EYS: variants seen among roughly 807,000 people sequenced by gnomAD.
EYS encodes EGF-like photoreceptor maintenance factor, also known as protein eyes shut homolog.
A neutral mutation model predicts 282.1 loss-of-function variants in EYS; 250 were observed. The observed-to-expected ratio is 0.89, with a 90% CI of 0.80 to 0.98. The LOEUF (loss-of-function observed/expected upper bound fraction) is 0.98, where lower values mean the gene tolerates loss of function less well. Ranked by LOEUF, EYS falls within the 50% of genes least tolerant of loss-of-function variation. The pLI is 0.00. For missense variants in EYS, 4,016 were observed against 3,709.0 expected (o/e 1.08, Z -2.15); for synonymous variants, 1,355 against 1,282.9 (o/e 1.06, Z -1.20).
Position 64,307,027 on chromosome 6 carries a change from T to C in EYS, c.6134A>G (p.Asn2045Ser). 1 of 1,546,474 alleles carries C rather than the reference T, an allele frequency of 6.5e-7. No homozygotes were observed. The highest frequency in any genetic ancestry group is 1.2e-5 in the South Asian group (1 of 83,864). Residue 2045 changes from asparagine (N) to serine (S), a missense_variant, in exon 30 of 43, where the codon AAC becomes AGC. Asn to Ser is a conservative substitution (Grantham distance 46, BLOSUM62 1). Coordinates refer to ENST00000503581, the MANE Select transcript of EYS (RefSeq NM_001142800.2). ...TGCIEVIEIN[N>S]WRSFIPSKAV... Reference sequence around the variant, plus strand: ...CTTGGATGGAATGAAAGATCTCCAGTTATTTATTTCTATAACTTCTATGCA... The same window carrying C: ...CTTGGATGGAATGAAAGATCTCCAGCTATTTATTTCTATAACTTCTATGCA...
chr6:64,885,069 A>C (rs767922049), intron 19 of EYS, among the ~76,000 whole-genome samples: 4 of 151,686 alleles, frequency 2.6e-5, no homozygotes, highest in Non-Finnish European at 5.9e-5. Flanking sequence ...TTAAAAACTA[A>C]GAAAACCATT....
intron 19 of EYS, among the ~76,000 whole-genome samples, chr6:64,869,402 C>T (rs1215850072): frequency 6.6e-6 from 1 of 151,322 alleles, no homozygotes; most frequent in Non-Finnish European, 1.5e-5. Context: ...GAACTTTGTT[C>T]TCAAGGGAAG....
At chr6:64,313,467 T>C (rs1005139433) in intron 29 of EYS, among the ~76,000 whole-genome samples, 13 of 152,214 alleles carry the variant, frequency 8.5e-5, no homozygotes, top group African/African-American at 1.9e-4. Flanking sequence ...CTGCAGGATA[T>C]TATCCAGGAG....
chr6:64,602,475 G>A (rs1766793192), intron 24 of EYS, among the ~76,000 whole-genome samples: 1 of 152,012 alleles, frequency 6.6e-6, no homozygotes, highest in Admixed American at 6.6e-5. Flanking sequence ...TGAGAAATAA[G>A]GGCCACATCA....
chr6:63,982,021 C>T (rs1380782087), intron 35 of EYS, among the ~76,000 whole-genome samples: 1 of 151,798 alleles, frequency 6.6e-6, no homozygotes, highest in South Asian at 2.1e-4. Flanking sequence ...TTTTCAAATA[C>T]ATATTAAATA....
chr6:65,676,633 G>A (rs1003232041), intron 1 of EYS, among the ~76,000 whole-genome samples: 3 of 151,784 alleles, frequency 2.0e-5, no homozygotes, highest in African/African-American at 7.2e-5. Flanking sequence ...CAAATATGTA[G>A]AGAGGAATTA....
intron 22 of EYS, among the ~76,000 whole-genome samples, chr6:64,758,006 C>T (rs1197138312): frequency 1.3e-5 from 2 of 152,088 alleles, no homozygotes; most frequent in Non-Finnish European, 2.9e-5. Context: ...GATCGCCTGA[C>T]CTCCTGATCT....
chr6:64,326,620 G>A (rs1054065357), intron 29 of EYS, among the ~76,000 whole-genome samples: 8 of 152,008 alleles, frequency 5.3e-5, no homozygotes, highest in African/African-American at 1.7e-4. Context: ...TACCATTTCT[G>A]GGGGCCCATC....
At chr6:64,728,365 T>C (rs1583086881) in intron 22 of EYS, among the ~76,000 whole-genome samples, 1 of 152,160 alleles carries the variant, frequency 6.6e-6, no homozygotes, top group South Asian at 2.1e-4. Flanking sequence ...GATGGAGTCT[T>C]GCTCTGTCGC....
intron 30 of EYS, among the ~76,000 whole-genome samples, chr6:64,293,000 C>T (rs532345762): frequency 6.6e-6 from 1 of 151,952 alleles, no homozygotes; most frequent in African/African-American, 2.4e-5. Context: ...TCTATATGAT[C>T]GTTTCTAAGC....
chr6:64,394,821 A>C (rs1773300947), intron 28 of EYS, among the ~76,000 whole-genome samples: 3 of 152,190 alleles, frequency 2.0e-5, no homozygotes, highest in Non-Finnish European at 4.4e-5. Context: ...CAGCAAAAGA[A>C]ACTACCATCA....
chr6:65,507,478 TC>T lies in EYS; in HGVS notation c.-332-11486del, dbSNP rs367712498. ...CCAGGACATGAGAATCATTTGTCAC[TC>T]ATTTTGGAAAGTTTTCAGCCATTAT... On this transcript the variant is annotated intron_variant, in intron 2 of 42. Transcript: ENST00000503581. Among the ~76,000 whole-genome samples, 727 of 152,260 alleles carry T rather than the reference TC, an allele frequency of 4.8e-3. 4 individuals are homozygous for T. Among genetic ancestry groups the T allele is most frequent in the African/African-American group, 0.017 (688 of 41,568 alleles).
chr6:65,685,639 T>C (rs1202854461), intron 1 of EYS, among the ~76,000 whole-genome samples: 2 of 152,058 alleles, frequency 1.3e-5, no homozygotes, highest in South Asian at 2.1e-4. Flanking sequence ...TCATTTGGCA[T>C]ATTTGCCTTA....
chr6:65,660,907 T>A (rs1362475492), intron 1 of EYS, among the ~76,000 whole-genome samples: 1 of 151,844 alleles, frequency 6.6e-6, no homozygotes. Flanking sequence ...GCTTTAATAC[T>A]CTACTATGTA....
intron 40 of EYS, among the ~76,000 whole-genome samples, chr6:63,773,551 T>C (rs549051363): frequency 1.3e-5 from 2 of 152,342 alleles, no homozygotes; most frequent in African/African-American, 4.8e-5. Flanking sequence ...CAGTCATGTA[T>C]AGCTTGACAA....
intron 21 of EYS, among the ~76,000 whole-genome samples, 190 bp downstream of exon 21, chr6:64,821,455 T>C (rs1480082189): frequency 6.6e-6 from 1 of 151,216 alleles, no homozygotes; most frequent in African/African-American, 2.4e-5. Context: ...AAAGAAAAGG[T>C]GGGGGAAAAA....
chr6:64,240,879 G>T (rs1766801397), intron 30 of EYS, among the ~76,000 whole-genome samples: 1 of 152,096 alleles, frequency 6.6e-6, no homozygotes, highest in African/African-American at 2.4e-5. Flanking sequence ...TATGATATTG[G>T]TTATAGGTTT....
chr6:65,698,193 G>C (rs989110819), intron 1 of EYS, among the ~76,000 whole-genome samples: 6 of 152,068 alleles, frequency 3.9e-5, no homozygotes, highest in Non-Finnish European at 7.4e-5. Context: ...CCTAAGCACT[G>C]ACACAAATAA....
intron 41 of EYS, among the ~76,000 whole-genome samples, chr6:63,745,250 A>C (rs57280564): frequency 0.039 from 5,892 of 152,286 alleles, 196 homozygotes; most frequent in South Asian, 0.12. Flanking sequence ...AACCCTAAAG[A>C]TACACTCAGT....
Sources: gnomAD v4.1 joint callset for allele counts (sites outside exome capture counted in the v4.1 genomes callset) on GRCh38, gnomAD v4.1.1 for gene constraint, MANE v1.5 for transcripts, NCBI Gene and HGNC (gene_info 2026-07-23, HGNC 2026-07-21) for gene names.